MAPRE3: variants seen among roughly 807,000 people sequenced by gnomAD.
The protein encoded by MAPRE3 is microtubule-associated protein RP/EB family member 3.
MAPRE3 carries 2 observed loss-of-function variants against 30.5 expected under a neutral mutation model. That is an observed-to-expected ratio of 0.07 (90% CI 0.03 to 0.21). MAPRE3 has a LOEUF of 0.21. MAPRE3 is among the 10% of genes least tolerant of loss of function. MAPRE3 has a pLI of 1.00. For missense variants in MAPRE3, 204 were observed against 351.8 expected (o/e 0.58, Z 3.36); for synonymous variants, 110 against 127.7 (o/e 0.86, Z 0.93).
intron 4 of MAPRE3, among the ~76,000 whole-genome samples, chr2:27,025,308 G>A (rs1373170132): frequency 6.6e-6 from 1 of 152,150 alleles, no homozygotes; most frequent in Non-Finnish European, 1.5e-5. Context: ...CTATCCCTCA[G>A]GCCAGCTCTC....
chr2:27,015,002 A>T lies in MAPRE3; in HGVS notation c.-7-7210A>T, dbSNP rs1477033441. The T allele has an allele frequency of 6.6e-6, 1 of 152,316 alleles. No homozygotes were observed. Among genetic ancestry groups the T allele is most frequent in the Non-Finnish European group, 1.5e-5 (1 of 68,124 alleles). 9.4% of individuals were successfully genotyped at this position (152,316 alleles called of 1,614,324 possible). ...CTTGGCCGGTAGGATGGCGTCTACA[A>T]AGCAGGCTATATGGGAAATCTGGAG... On this transcript the variant is annotated intron_variant, in intron 1 of 6. Coordinates refer to ENST00000233121, the MANE Select transcript of MAPRE3 (RefSeq NM_012326.4). This position sits in a 1 kb window ranked among gnomAD's most constrained non-coding sequence, Gnocchi z 4.0.
intron 1 of MAPRE3, among the ~76,000 whole-genome samples, chr2:26,995,955 G>T (rs1359350759): frequency 6.6e-6 from 1 of 151,630 alleles, no homozygotes; most frequent in Non-Finnish European, 1.5e-5. Flanking sequence ...TCTTCAGCTT[G>T]CTTGGCCCAT....
chr2:27,010,444 T>C (rs1666826434), intron 1 of MAPRE3, among the ~76,000 whole-genome samples: 1 of 148,120 alleles, frequency 6.8e-6, no homozygotes, highest in Admixed American at 6.7e-5. Context: ...TATTTCTTTT[T>C]TTTTTTTTTT....
At chr2:27,026,232 T>C in intron 6 of MAPRE3, 48 bp from the exon 7 acceptor site, 2 of 1,559,188 alleles carry the variant, frequency 1.3e-6, no homozygotes, top group Middle Eastern at 1.7e-4. Flanking sequence ...TGAGAAGCCC[T>C]GCCTGGCCTG....
chr2:26,997,408 T>C (rs1041306510), intron 1 of MAPRE3, among the ~76,000 whole-genome samples: 4 of 152,178 alleles, frequency 2.6e-5, no homozygotes, highest in Non-Finnish European at 5.9e-5. Flanking sequence ...GCGTATGTTA[T>C]GTGTGGCCCA....
chr2:27,020,944 A>G (rs960074041), intron 1 of MAPRE3, among the ~76,000 whole-genome samples: 2 of 152,232 alleles, frequency 1.3e-5, no homozygotes, highest in African/African-American at 4.8e-5. Context: ...CGTGGGATCC[A>G]CATCTGTGGA....
At chr2:27,019,454 C>T (rs1667067397) in intron 1 of MAPRE3, among the ~76,000 whole-genome samples, 6 of 152,090 alleles carry the variant, frequency 3.9e-5, no homozygotes, top group African/African-American at 7.2e-5. Context: ...AGGCATCACT[C>T]AATGGTTCAA....
chr2:27,001,801 T>G (rs1227863666), intron 1 of MAPRE3, among the ~76,000 whole-genome samples: 1 of 152,242 alleles, frequency 6.6e-6, no homozygotes, highest in East Asian at 1.9e-4. Context: ...CTGTTGTTGA[T>G]GTAAACATTG....
intron 1 of MAPRE3, among the ~76,000 whole-genome samples, chr2:26,975,269 A>G (rs1243090467): frequency 1.3e-5 from 2 of 152,292 alleles, no homozygotes; most frequent in African/African-American, 4.8e-5. Flanking sequence ...GACTTCCTCA[A>G]CTGGTAGAGG....
intron 1 of MAPRE3, among the ~76,000 whole-genome samples, chr2:26,989,418 C>T (rs960518150): frequency 6.6e-6 from 1 of 152,182 alleles, no homozygotes; most frequent in Non-Finnish European, 1.5e-5. Context: ...AGGACAATAA[C>T]AGCAGAAACT....
chr2:27,023,631 C>G (rs768565987), intron 3 of MAPRE3, 154 bp downstream of exon 3: 8 of 837,514 alleles, frequency 9.6e-6, no homozygotes, highest in Middle Eastern at 2.2e-4. Context: ...TCCCCCTGCT[C>G]AAGGCACAAT....
chr2:26,998,187 C>T (rs1278688328), intron 1 of MAPRE3, among the ~76,000 whole-genome samples: 2 of 152,220 alleles, frequency 1.3e-5, no homozygotes, highest in African/African-American at 4.8e-5. Flanking sequence ...CCCTATTCTT[C>T]CTCTGGGCCC....
intron 1 of MAPRE3, among the ~76,000 whole-genome samples, chr2:26,984,215 C>A (rs1366227319): frequency 2.0e-5 from 3 of 152,104 alleles, no homozygotes; most frequent in Admixed American, 6.5e-5. Flanking sequence ...TAGTCATAAT[C>A]AAAAACCCCT....
Position 26,985,447 on chromosome 2 carries a change from G to A in MAPRE3, c.-8+14645G>A, listed in dbSNP as rs910841405. ...TATAGCAGTAATGTGGCAGAAGCAGGCCCTGGAGACCCTCCCCACTTGCTC... is the reference window on the plus strand; with the variant it reads ...TATAGCAGTAATGTGGCAGAAGCAGACCCTGGAGACCCTCCCCACTTGCTC... On this transcript the variant is annotated intron_variant, in intron 1 of 6. Coordinates refer to ENST00000233121, the MANE Select transcript of MAPRE3 (RefSeq NM_012326.4). This position sits in a 1 kb window ranked among gnomAD's most constrained non-coding sequence, Gnocchi z 4.2. 6.6e-6 allele frequency among the ~76,000 whole-genome samples: 1 copy of A among 152,202 alleles called. No homozygotes were observed. The highest frequency in any genetic ancestry group is 1.5e-5 in the Non-Finnish European group (1 of 68,044).
chr2:26,973,183 C>T (rs920868791), intron 1 of MAPRE3, among the ~76,000 whole-genome samples: 1 of 152,148 alleles, frequency 6.6e-6, no homozygotes, highest in African/African-American at 2.4e-5. Flanking sequence ...CGGGAAATGG[C>T]AAGACTTGAG....
At chr2:26,998,131 T>C (rs967618400) in intron 1 of MAPRE3, among the ~76,000 whole-genome samples, 1 of 152,240 alleles carries the variant, frequency 6.6e-6, no homozygotes, top group Admixed American at 6.5e-5. Context: ...TTCAACACTT[T>C]GGTCACAGTT....
At chr2:27,012,622 G>A (rs1351929714) in intron 1 of MAPRE3, 1 of 152,668 alleles carries the variant, frequency 6.6e-6, no homozygotes, top group Non-Finnish European at 1.5e-5. Context: ...CACTGGGGTG[G>A]GGGCTGACTG....
intron 1 of MAPRE3, among the ~76,000 whole-genome samples, chr2:27,019,119 C>T (rs1390386865): frequency 6.6e-6 from 1 of 151,944 alleles, no homozygotes; most frequent in Admixed American, 6.6e-5. Context: ...GTCTTGAACT[C>T]CTGGCTTAGG....
At chr2:27,023,800 T>A in intron 3 of MAPRE3, 1 of 504,886 alleles carries the variant, frequency 2.0e-6, no homozygotes, top group South Asian at 2.1e-5. Flanking sequence ...CTCTGCTCAC[T>A]CTACTGCCTC....
Sources: allele counts gnomAD v4.1 joint callset (sites outside exome capture counted in the v4.1 genomes callset), GRCh38; gene constraint gnomAD v4.1.1; non-coding constraint Gnocchi (gnomAD v3.1); transcripts MANE v1.5; gene names NCBI Gene and HGNC (gene_info 2026-07-23, HGNC 2026-07-21).